RABGAP1L: variants seen among roughly 807,000 people sequenced by gnomAD.
RABGAP1L encodes the protein RAB GTPase activating protein 1 like, also known as rab GTPase-activating protein 1-like.
RABGAP1L carries 63 observed loss-of-function variants against 137.7 expected under a neutral mutation model. The ratio of observed to expected loss-of-function variants is 0.46; its 90% CI spans 0.37 to 0.56. The LOEUF is 0.56. Among genes scored for constraint, RABGAP1L ranks in the 20% least tolerant of loss-of-function variants. RABGAP1L has a pLI of 0.00. For synonymous variants in RABGAP1L, 431 were observed against 433.7 expected, an observed-to-expected ratio of 0.99 and a Z score of 0.08; for missense variants, 1,095 against 1,244.0, an observed-to-expected ratio of 0.88 and a Z score of 1.80.
At chr1:174,741,371 G>T (rs1572991828) in intron 17 of RABGAP1L, among the ~76,000 whole-genome samples, 1 of 151,884 alleles carries the variant, frequency 6.6e-6, no homozygotes, top group African/African-American at 2.4e-5. Context: ...GTTTGTTTTT[G>T]TGTTTTTTTG....
At chr1:174,463,679 G>C (rs1323406320) in intron 13 of RABGAP1L, among the ~76,000 whole-genome samples, 1 of 151,778 alleles carries the variant, frequency 6.6e-6, no homozygotes, top group Non-Finnish European at 1.5e-5. Flanking sequence ...AAATAAAAAA[G>C]AAGACATATG....
intron 13 of RABGAP1L, among the ~76,000 whole-genome samples, chr1:174,519,199 CACACACATACATATATATAT>C (rs1470184333): frequency 6.8e-6 from 1 of 147,926 alleles, no homozygotes; most frequent in Non-Finnish European, 1.5e-5. Context: ...TATATATATA[CACACACATACATATATATAT>C]ACACACACAC....
At chr1:174,183,660 TG>T in intron 1 of RABGAP1L, among the ~76,000 whole-genome samples, 1 of 152,292 alleles carries the variant, frequency 6.6e-6, no homozygotes, top group South Asian at 2.1e-4. Context: ...TCACTATTGA[TG>T]TTATACATTC....
intron 10 of RABGAP1L, among the ~76,000 whole-genome samples, chr1:174,303,530 C>G (rs1677918711): frequency 6.6e-6 from 1 of 152,256 alleles, no homozygotes; most frequent in Middle Eastern, 3.4e-3. Flanking sequence ...AGCCAACGCA[C>G]ATTTATTGAG....
chr1:174,527,457 C>T (rs998402574), intron 13 of RABGAP1L, among the ~76,000 whole-genome samples: 8 of 152,058 alleles, frequency 5.3e-5, no homozygotes, highest in South Asian at 2.1e-4. Flanking sequence ...TCCGCTGCCT[C>T]GGCCTCCCAA....
intron 13 of RABGAP1L, among the ~76,000 whole-genome samples, chr1:174,450,889 A>G (rs1655361015): frequency 6.6e-6 from 1 of 152,186 alleles, no homozygotes; most frequent in Non-Finnish European, 1.5e-5. Flanking sequence ...ATTAGAAGCC[A>G]ACCATGTTTG....
At chr1:174,882,833 T>A (rs1333616768) in intron 19 of RABGAP1L, among the ~76,000 whole-genome samples, 9 of 151,938 alleles carry the variant, frequency 5.9e-5, no homozygotes, top group Admixed American at 5.9e-4. Flanking sequence ...ATAAGAGCTT[T>A]TTTTTTTTTG....
chr1:174,257,400 A>G (rs1419741598), intron 7 of RABGAP1L, among the ~76,000 whole-genome samples: 2 of 152,182 alleles, frequency 1.3e-5, no homozygotes, highest in Non-Finnish European at 2.9e-5. Context: ...GAATATAGAA[A>G]CCTAGACAAA....
intron 13 of RABGAP1L, among the ~76,000 whole-genome samples, chr1:174,406,482 T>A (rs1207814134): frequency 6.6e-6 from 1 of 152,196 alleles, no homozygotes; most frequent in Non-Finnish European, 1.5e-5. Flanking sequence ...TGAGCATAGA[T>A]CATTTCATGG....
chr1:174,786,195 G>A (rs1339245333), intron 18 of RABGAP1L, among the ~76,000 whole-genome samples: 5 of 152,182 alleles, frequency 3.3e-5, no homozygotes, highest in Non-Finnish European at 7.4e-5. Flanking sequence ...TAAATTCTAA[G>A]TATCTGCCCT....
chr1:174,528,503 T>C (rs1336422124), intron 13 of RABGAP1L, among the ~76,000 whole-genome samples: 3 of 151,976 alleles, frequency 2.0e-5, no homozygotes, highest in Admixed American at 1.3e-4. Flanking sequence ...CTTTTTTTTT[T>C]ATTTCAGCGC....
At chr1:174,688,744 A>G (rs1678656012) in intron 15 of RABGAP1L, among the ~76,000 whole-genome samples, 1 of 152,170 alleles carries the variant, frequency 6.6e-6, no homozygotes, top group Admixed American at 6.5e-5. Context: ...TATGAATGCC[A>G]TACAGCAATG....
In RABGAP1L at chr1:174,720,057, T is replaced by C. The variant is rs145768255; in HGVS notation, c.2169+17801T>C. Among the ~76,000 whole-genome samples the C allele has an allele frequency of 1.7e-3, 258 of 152,276 alleles. 2 individuals are homozygous for C. The highest frequency in any genetic ancestry group is 5.9e-3 in the African/African-American group (244 of 41,550). ...GGAGAGGGACTATTTCAAAACTTAC[T>C]ACAAAGCTATAGTAATCAAAACTGC... On this transcript the variant is annotated intron_variant, in intron 17 of 25. Transcript: ENST00000681986.
chr1:174,788,471 A>G (rs1687620796), intron 18 of RABGAP1L, among the ~76,000 whole-genome samples: 1 of 152,200 alleles, frequency 6.6e-6, no homozygotes, highest in South Asian at 2.1e-4. Flanking sequence ...GCTTGGCTCT[A>G]TTTCCGTAGC....
chr1:174,627,699 C>A (rs954587893), intron 13 of RABGAP1L, among the ~76,000 whole-genome samples: 1 of 152,044 alleles, frequency 6.6e-6, no homozygotes, highest in African/African-American at 2.4e-5. Context: ...TAAAGAGAAC[C>A]CTTGAAAGGC....
intron 13 of RABGAP1L, among the ~76,000 whole-genome samples, chr1:174,552,345 G>A (rs1407655823): frequency 6.6e-6 from 1 of 151,738 alleles, no homozygotes; most frequent in Non-Finnish European, 1.5e-5. Flanking sequence ...CCTCCAAAAG[G>A]CCCCAGTATG....
At chr1:174,877,370 C>G in intron 19 of RABGAP1L, 1 of 1,335,452 alleles carries the variant, frequency 7.5e-7, no homozygotes, top group Non-Finnish European at 1.0e-6. Flanking sequence ...GGATTTTTGA[C>G]ACTCCACCCC....
intron 19 of RABGAP1L, among the ~76,000 whole-genome samples, chr1:174,836,407 T>A (rs545732247): frequency 1.3e-5 from 2 of 152,340 alleles, no homozygotes; most frequent in Non-Finnish European, 2.9e-5. Flanking sequence ...GCTATTTCTT[T>A]CCACCTGCTA....
At chr1:174,506,560 T>C (rs575193160) in intron 13 of RABGAP1L, among the ~76,000 whole-genome samples, 4 of 152,202 alleles carry the variant, frequency 2.6e-5, no homozygotes, top group Admixed American at 1.3e-4. Flanking sequence ...TTACAATAGC[T>C]ACAAAAAATA....
Sources: gnomAD v4.1 joint callset for allele counts (sites outside exome capture counted in the v4.1 genomes callset) on GRCh38, gnomAD v4.1.1 for gene constraint, MANE v1.5 for transcripts, NCBI Gene and HGNC (gene_info 2026-07-23, HGNC 2026-07-21) for gene names.